CCL28: variants seen among roughly 807,000 people sequenced by gnomAD.
The protein encoded by CCL28 is C-C motif chemokine 28.
In CCL28, 4 loss-of-function variants were observed where a neutral mutation model predicts 7.1. That is an observed-to-expected ratio of 0.56 (90% confidence interval 0.28 to 1.29). The LOEUF is 1.29. CCL28 is among the 50% of genes most tolerant of loss of function. The pLI is 0.11. For synonymous variants in CCL28, 55 were observed against 57.8 expected, an observed-to-expected ratio of 0.95 and a Z score of 0.22; for missense variants, 151 against 163.4, an observed-to-expected ratio of 0.92 and a Z score of 0.41.
At chr5:43,403,422 A>G (rs1212057308) in intron 1 of CCL28, among the ~76,000 whole-genome samples, 4 of 152,310 alleles carry the variant, frequency 2.6e-5, no homozygotes, top group African/African-American at 9.6e-5. Context: ...ACCTCCAGCA[A>G]ACTCCAACAG....
At chr5:43,364,220 T>A in the CCL28 span, among the ~76,000 whole-genome samples, 1 of 141,356 alleles carries the variant, frequency 7.1e-6, no homozygotes, top group Admixed American at 7.0e-5. Flanking sequence ...GATTTTTTTT[T>A]AAAACCAGAG....
chr5:43,403,829 C>G (rs1236414512), intron 1 of CCL28, among the ~76,000 whole-genome samples: 1 of 152,166 alleles, frequency 6.6e-6, no homozygotes, highest in African/African-American at 2.4e-5. Flanking sequence ...CCTGATGGAG[C>G]TGAAAACCAC....
Position 43,379,382 on chromosome 5 carries a change from ATATTT to A in CCL28, c.*2473_*2477del. On this transcript the variant is annotated 3_prime_UTR_variant, in exon 3 of 3. Transcript: ENST00000361115. ...TAATATTTTAAGTTACTCTCATATT[ATATTT>A]TATTAATTTTTTCTTATTTAAAAAG... The A allele has an allele frequency of 6.6e-6, 1 of 152,266 alleles. No homozygotes were observed. The highest frequency in any genetic ancestry group is 6.5e-5 in the Admixed American group (1 of 15,300). 9.4% of individuals were successfully genotyped at this position (152,266 alleles called of 1,614,324 possible).
In CCL28 at chr5:43,398,674, C is replaced by A. The variant is rs1013767780; in HGVS notation, c.65-10198G>T. ...GACCAGCCTGGCCAAGATGGTGAAA[C>A]CCCATCTCTACTAAAAATACAAAAA... On this transcript the variant is annotated intron_variant, in intron 1 of 2. Coordinates refer to ENST00000361115, the MANE Select transcript of CCL28 (RefSeq NM_148672.3). 3.9e-5 allele frequency among the ~76,000 whole-genome samples: 6 copies of A among 152,212 alleles called. No homozygotes were observed. In the South Asian group the frequency reaches 8.3e-4, roughly 21 times the overall value.
At chr5:43,378,074 G>A (rs1196972992), downstream of CCL28, among the ~76,000 whole-genome samples, 2 of 152,204 alleles carry the variant, frequency 1.3e-5, no homozygotes, top group Admixed American at 6.5e-5. Context: ...TAGGTGCAGT[G>A]GCTCATGCCT....
In CCL28 at chr5:43,381,070, G is replaced by C. The variant is rs1047854451; in HGVS notation, c.*790C>G. 4 of 150,434 alleles carry C rather than the reference G, an allele frequency of 2.7e-5. No individual in the cohort carries two copies. The highest frequency in any genetic ancestry group is 1.0e-4 in the African/African-American group (4 of 39,980). 9.3% of individuals were successfully genotyped at this position (150,434 alleles called of 1,614,324 possible). A position where few individuals can be genotyped will look rare whatever the true frequency, so the allele number is the denominator to read the frequency against. On this transcript the variant is annotated 3_prime_UTR_variant, in exon 3 of 3. Coordinates refer to ENST00000361115, the MANE Select transcript of CCL28 (RefSeq NM_148672.3). ...ATGTCTTTATTTTAGGGTATGTCAA[G>C]TTATAACACCAAAAAGAAACTAGGG...
At chr5:43,370,369 C>T in the CCL28 span, among the ~76,000 whole-genome samples, 7 of 151,892 alleles carry the variant, frequency 4.6e-5, no homozygotes, top group South Asian at 2.1e-4. Flanking sequence ...GTCATGACTA[C>T]GCATATCAAT....
At chr5:43,372,956 A>T (rs981470540), downstream of CCL28, among the ~76,000 whole-genome samples, 4 of 150,112 alleles carry the variant, frequency 2.7e-5, no homozygotes, top group Admixed American at 6.7e-5. Context: ...ACTCACCACC[A>T]CGCCCGGCTA....
chr5:43,411,452 T>G (rs1352010070), intron 1 of CCL28, among the ~76,000 whole-genome samples: 1 of 152,208 alleles, frequency 6.6e-6, no homozygotes, highest in Non-Finnish European at 1.5e-5. Flanking sequence ...TGACATAATT[T>G]GTATGGTTCA....
intron 1 of CCL28, among the ~76,000 whole-genome samples, chr5:43,398,766 C>A (rs1388117651): frequency 6.6e-6 from 1 of 152,110 alleles, no homozygotes; most frequent in Admixed American, 6.5e-5. Context: ...CAGAGAATTG[C>A]TTGAACCCGG....
chr5:43,405,871 C>G (rs1175738727), intron 1 of CCL28, among the ~76,000 whole-genome samples: 2 of 152,186 alleles, frequency 1.3e-5, no homozygotes, highest in Admixed American at 1.3e-4. Flanking sequence ...ATAAACACCT[C>G]TATGCAAATA....
chr5:43,367,298 G>A, the CCL28 span, among the ~76,000 whole-genome samples: 1 of 152,224 alleles, frequency 6.6e-6, no homozygotes, highest in African/African-American at 2.4e-5. Context: ...ATCTCCTGCA[G>A]CTAGCTTGGT....
At chr5:43,360,407 T>G in the CCL28 span, among the ~76,000 whole-genome samples, 1 of 152,098 alleles carries the variant, frequency 6.6e-6, no homozygotes. Context: ...TTTTATCTGC[T>G]CCTTTCCTTC....
chr5:43,395,843 C>T (rs922938225), intron 1 of CCL28, among the ~76,000 whole-genome samples: 13 of 149,218 alleles, frequency 8.7e-5, no homozygotes, highest in African/African-American at 3.2e-4. Context: ...CTATTCATGC[C>T]TTACCCCCCG....
the CCL28 span, among the ~76,000 whole-genome samples, chr5:43,357,334 G>A: frequency 6.6e-6 from 1 of 152,316 alleles, no homozygotes; most frequent in African/African-American, 2.4e-5. Context: ...GGCAAAGGGT[G>A]TGCATACAGG....
intron 1 of CCL28, among the ~76,000 whole-genome samples, chr5:43,405,370 A>G (rs1042483228): frequency 6.6e-6 from 1 of 152,246 alleles, no homozygotes; most frequent in Non-Finnish European, 1.5e-5. Context: ...CTACATGGAA[A>G]CTGAACAACC....
downstream of CCL28, among the ~76,000 whole-genome samples, chr5:43,378,831 C>T (rs946128181): frequency 2.6e-5 from 4 of 151,938 alleles, no homozygotes; most frequent in African/African-American, 4.8e-5. Flanking sequence ...TGTGGTGGTT[C>T]GCACCTGTAG....
intron 1 of CCL28, among the ~76,000 whole-genome samples, chr5:43,404,053 G>A (rs1290082748): frequency 3.9e-5 from 6 of 152,274 alleles, no homozygotes; most frequent in South Asian, 2.1e-4. Flanking sequence ...TGAAAGTGAC[G>A]GGGAGAATGG....
downstream of CCL28, among the ~76,000 whole-genome samples, chr5:43,372,764 A>G (rs1213437987): frequency 6.6e-6 from 1 of 151,112 alleles, no homozygotes; most frequent in Non-Finnish European, 1.5e-5. Context: ...GGCTGCTATG[A>G]ACATTCTTTT....
Sources: gnomAD v4.1 joint callset for allele counts (sites outside exome capture counted in the v4.1 genomes callset) on GRCh38, gnomAD v4.1.1 for gene constraint, MANE v1.5 for transcripts, NCBI Gene and HGNC (gene_info 2026-07-23, HGNC 2026-07-21) for gene names.